C8A: variants seen among roughly 807,000 people sequenced by gnomAD.
C8A encodes the protein complement C8 alpha chain.
C8A carries 67 observed loss-of-function variants against 65.3 expected under a neutral mutation model. The ratio of observed to expected loss-of-function variants is 1.03; its 90% confidence interval spans 0.84 to 1.26. The LOEUF is 1.26. C8A is among the 50% of genes most tolerant of loss of function. The probability of loss-of-function intolerance (pLI) is 0.00; values close to 1 mark genes in which losing one functional copy is unlikely to be tolerated. For missense variants in C8A, 781 were observed against 723.9 expected (o/e 1.08, Z -0.90); for synonymous variants, 290 against 259.4 (o/e 1.12, Z -1.13).
chr1:56,897,662 A>T (rs556075692), intron 7 of C8A, among the ~76,000 whole-genome samples: 2 of 152,314 alleles, frequency 1.3e-5, no homozygotes, highest in Non-Finnish European at 2.9e-5. Flanking sequence ...AATTACCATC[A>T]CATTTATATA....
intron 1 of C8A, among the ~76,000 whole-genome samples, chr1:56,861,793 A>G (rs1185914112): frequency 6.6e-6 from 1 of 152,206 alleles, no homozygotes; most frequent in Non-Finnish European, 1.5e-5. Context: ...TTAAGATTAT[A>G]TAATTAGTGA....
chr1:56,865,485 C>T (rs756471120), intron 1 of C8A, among the ~76,000 whole-genome samples: 2 of 152,166 alleles, frequency 1.3e-5, no homozygotes, highest in Non-Finnish European at 2.9e-5. Flanking sequence ...GCTTCACCCT[C>T]GTGACTTAGT....
intron 7 of C8A, among the ~76,000 whole-genome samples, chr1:56,893,835 C>G (rs1447700614): frequency 2.0e-5 from 3 of 152,118 alleles, no homozygotes; most frequent in Non-Finnish European, 4.4e-5. Context: ...GTCAGATTGC[C>G]TGATTCAAGT....
intron 4 of C8A, among the ~76,000 whole-genome samples, chr1:56,879,185 A>C (rs1050870303): frequency 6.6e-6 from 1 of 152,160 alleles, no homozygotes; most frequent in Non-Finnish European, 1.5e-5. Flanking sequence ...ATTAAAAAAA[A>C]ATTTCCAACT....
At chr1:56,902,083 T>G (rs1217320821) in intron 7 of C8A, among the ~76,000 whole-genome samples, 1 of 152,192 alleles carries the variant, frequency 6.6e-6, no homozygotes, top group African/African-American at 2.4e-5. Flanking sequence ...AAAAGATCGC[T>G]GGTCTTTTCT....
At chr1:56,906,633 C>T (rs1245961141) in intron 7 of C8A, 34 bp from the exon 8 acceptor site, 3 of 1,613,284 alleles carry the variant, frequency 1.9e-6, no homozygotes, top group African/African-American at 1.3e-5. Flanking sequence ...TTTAATAACT[C>T]AGCATTTTGT....
chr1:56,864,082 A>T (rs1045515380), intron 1 of C8A, among the ~76,000 whole-genome samples: 4 of 152,228 alleles, frequency 2.6e-5, no homozygotes, highest in African/African-American at 9.6e-5. Flanking sequence ...TCATACAAAT[A>T]TTACAAGTTT....
At position 56,883,467 on chromosome 1, in the gene C8A, C is replaced by CT. The variant is rs61482695; in HGVS notation, c.655-4dup. 13,219 of 1,253,794 alleles carry CT rather than the reference C, an allele frequency of 0.011. No individual in the cohort carries two copies. The highest frequency in any genetic ancestry group is 0.013 in the Non-Finnish European group (11,427 of 906,364). The allele number at this position is 1,253,794 out of a possible 1,614,324, so 77.7% of individuals were successfully genotyped here. On this transcript the variant is annotated splice_polypyrimidine_tract_variant and intron_variant, in intron 5 of 10. Transcript: ENST00000361249. ...TATGTGCACAAAGCTAATATCTATC[C>CT]TTTTTTTTTTCAGGCCCTGGCAGAT... is the stretch of plus-strand genomic sequence containing the variant.
intron 7 of C8A, among the ~76,000 whole-genome samples, chr1:56,888,889 C>T (rs1274426316): frequency 6.6e-6 from 1 of 152,134 alleles, no homozygotes; most frequent in African/African-American, 2.4e-5. Flanking sequence ...ATTAGAGAGG[C>T]TAATTACTTA....
At chr1:56,862,996 T>C (rs772520726) in intron 1 of C8A, among the ~76,000 whole-genome samples, 6 of 152,178 alleles carry the variant, frequency 3.9e-5, no homozygotes, top group Non-Finnish European at 7.3e-5. Context: ...CTCAATAATC[T>C]AATTGTTTAA....
intron 10 of C8A, among the ~76,000 whole-genome samples, chr1:56,917,132 G>C (rs1470795310): frequency 6.6e-6 from 1 of 152,152 alleles, no homozygotes; most frequent in Non-Finnish European, 1.5e-5. Context: ...TAATGAGATG[G>C]GCTCCCAGTG....
intron 7 of C8A, among the ~76,000 whole-genome samples, chr1:56,894,114 G>A (rs1485887097): frequency 1.3e-5 from 2 of 152,138 alleles, no homozygotes; most frequent in African/African-American, 4.8e-5. Context: ...ACTCTGGAAT[G>A]TTAACTGTTC....
chr1:56,891,220 T>C (rs12409840), intron 7 of C8A, among the ~76,000 whole-genome samples: 2,036 of 152,098 alleles, frequency 0.013, 47 homozygotes, highest in East Asian at 0.1. Flanking sequence ...AGGGTGAAGG[T>C]GCTCTGGGTG....
intron 7 of C8A, among the ~76,000 whole-genome samples, chr1:56,898,084 GT>G (rs1412924314): frequency 6.6e-6 from 1 of 152,178 alleles, no homozygotes; most frequent in Non-Finnish European, 1.5e-5. Context: ...AGAGAAGGGA[GT>G]TGCATGGGAA....
intron 7 of C8A, among the ~76,000 whole-genome samples, chr1:56,902,744 T>C (rs1644436345): frequency 2.0e-5 from 3 of 152,190 alleles, no homozygotes; most frequent in South Asian, 4.1e-4. Flanking sequence ...CAGGCAGTCT[T>C]TATCCTTTTG....
intron 7 of C8A, among the ~76,000 whole-genome samples, chr1:56,888,441 G>C (rs959203894): frequency 3.3e-5 from 5 of 152,118 alleles, no homozygotes; most frequent in Non-Finnish European, 1.5e-5. Flanking sequence ...TTGCATTACA[G>C]TATTTTTCAA....
chr1:56,912,121 T>G (rs1308578833), intron 9 of C8A, among the ~76,000 whole-genome samples: 1 of 152,198 alleles, frequency 6.6e-6, no homozygotes, highest in Non-Finnish European at 1.5e-5. Flanking sequence ...GACTTTTAAC[T>G]GCCCCTCTCT....
chr1:56,879,817 T>G (rs1399395803), intron 4 of C8A, among the ~76,000 whole-genome samples: 1 of 152,174 alleles, frequency 6.6e-6, no homozygotes, highest in African/African-American at 2.4e-5. Context: ...ACATTGAATT[T>G]CTACAATCTG....
intron 1 of C8A, among the ~76,000 whole-genome samples, chr1:56,857,330 A>ACT (rs1553172969): frequency 2.0e-5 from 3 of 151,398 alleles, no homozygotes; most frequent in Non-Finnish European, 4.4e-5. Flanking sequence ...ACACACACAC[A>ACT]TCTAGAGTTA....
Sources: allele counts gnomAD v4.1 joint callset (sites outside exome capture counted in the v4.1 genomes callset), GRCh38; gene constraint gnomAD v4.1.1; transcripts MANE v1.5; gene names NCBI Gene and HGNC (gene_info 2026-07-23, HGNC 2026-07-21).